P2RY12: variants seen among roughly 807,000 people sequenced by gnomAD.
P2RY12 encodes the protein purinergic receptor P2Y12.
A neutral mutation model predicts 4.5 loss-of-function variants in P2RY12; 3 were observed. That is an observed-to-expected ratio of 0.67 (90% CI 0.31 to 1.74). The LOEUF (loss-of-function observed/expected upper bound fraction) is 1.74, where lower values mean the gene tolerates loss of function less well. Ranked by LOEUF, P2RY12 falls within the 40% of genes most tolerant of loss-of-function variation. The pLI is 0.09. For synonymous variants in P2RY12, 148 were observed against 154.1 expected (o/e 0.96, Z 0.29); for missense variants, 356 against 407.8 (o/e 0.87, Z 1.09).
chr3:151,355,360 G>T (rs1292001820), intron 1 of P2RY12: 8 of 634,944 alleles, frequency 1.3e-5, no homozygotes, highest in Non-Finnish European at 2.2e-5. Flanking sequence ...AAACATACTT[G>T]GAAGTATCTC....
At chr3:151,346,666 C>G (rs1329441581) in intron 1 of P2RY12, among the ~76,000 whole-genome samples, 1 of 152,120 alleles carries the variant, frequency 6.6e-6, no homozygotes, top group Non-Finnish European at 1.5e-5. Flanking sequence ...AATTAAGGAG[C>G]ATGTATGTGC....
chr3:151,368,399 T>C (rs1755548291), intron 1 of P2RY12: 1 of 681,964 alleles, frequency 1.5e-6, no homozygotes, highest in Non-Finnish European at 2.6e-6. Flanking sequence ...ATACTATTCA[T>C]TGAGAGGGCT....
At chr3:151,384,248 C>A (rs1357552739) in intron 1 of P2RY12, 2 of 1,567,154 alleles carry the variant, frequency 1.3e-6, no homozygotes, top group African/African-American at 2.7e-5. Context: ...GTATTATGAG[C>A]TCAAGTTGTT....
intron 1 of P2RY12, chr3:151,360,699 C>A (rs939889566): frequency 2.5e-6 from 3 of 1,195,104 alleles, no homozygotes; most frequent in Non-Finnish European, 3.6e-6. Context: ...ATAATGAAAG[C>A]TAATTGCAAT....
chr3:151,351,687 G>A (rs899353846), intron 1 of P2RY12, among the ~76,000 whole-genome samples: 1 of 152,172 alleles, frequency 6.6e-6, no homozygotes, highest in African/African-American at 2.4e-5. Context: ...GGGTAGGGGG[G>A]AGTCAGTATT....
intron 1 of P2RY12, chr3:151,376,920 A>T (rs1224996426): frequency 7.4e-6 from 12 of 1,611,794 alleles, no homozygotes; most frequent in Non-Finnish European, 1.0e-5. Flanking sequence ...TTTTATAAAA[A>T]GCAAAAACAC....
chr3:151,377,966 G>A (rs1711531570), intron 1 of P2RY12: 21 of 1,520,438 alleles, frequency 1.4e-5, no homozygotes, highest in Non-Finnish European at 1.7e-5. Flanking sequence ...TGTGAGAGCA[G>A]GGGAAAGGAT....
At chr3:151,379,252 C>G (rs550362286) in intron 1 of P2RY12, among the ~76,000 whole-genome samples, 1 of 152,190 alleles carries the variant, frequency 6.6e-6, no homozygotes, top group Non-Finnish European at 1.5e-5. Flanking sequence ...TTCCCATAGG[C>G]AGGACAGATG....
intron 1 of P2RY12, among the ~76,000 whole-genome samples, chr3:151,354,774 A>G (rs893153873): frequency 1.3e-5 from 2 of 152,208 alleles, no homozygotes; most frequent in African/African-American, 4.8e-5. Context: ...ACATGAATCA[A>G]TCTTAAAAGC....
intron 1 of P2RY12, among the ~76,000 whole-genome samples, chr3:151,371,626 T>C (rs16863344): frequency 0.062 from 9,446 of 152,288 alleles, 433 homozygotes; most frequent in Middle Eastern, 0.18. Context: ...TTCCATTAAC[T>C]TGGGCATTGT....
At position 151,353,948 on chromosome 3, in the gene P2RY12, C is replaced by T. The variant is rs374099244; in HGVS notation, c.-179-13188G>A. Among the ~76,000 whole-genome samples, 48 of 151,292 alleles carry T rather than the reference C, an allele frequency of 3.2e-4. 1 individual carries two copies. The highest frequency in any genetic ancestry group is 9.7e-5 in the African/African-American group (4 of 41,138). ...CGAGGTCAGGAGATCGAGACCATCC[C>T]GGCTAACACGGTGAAACCCCGTCTC... is the stretch of plus-strand genomic sequence containing the variant. On this transcript the variant is annotated intron_variant, in intron 1 of 2. Coordinates refer to ENST00000302632, the MANE Select transcript of P2RY12 (RefSeq NM_022788.5).
intron 1 of P2RY12, among the ~76,000 whole-genome samples, chr3:151,384,447 T>A (rs1340602737): frequency 6.6e-6 from 1 of 152,230 alleles, no homozygotes; most frequent in Non-Finnish European, 1.5e-5. Context: ...TTTAATTTTT[T>A]AAAGAACTTT....
rs927370539 is a variant in P2RY12 at position 151,382,838 on chromosome 3, A to C, written c.-180+1854T>G. The C allele has an allele frequency of 4.1e-6, 4 of 967,372 alleles. No individual in the cohort carries two copies. The African/African-American group carries it at 6.6e-5, about 16-fold the overall frequency. 59.9% of individuals were successfully genotyped at this position (967,372 alleles called of 1,614,324 possible). On this transcript the variant is annotated intron_variant, in intron 1 of 2. Coordinates refer to ENST00000302632, the MANE Select transcript of P2RY12 (RefSeq NM_022788.5). ...CACTTCTCCTAAGTGCAAAGTCTGC[A>C]TTACAAGGTGAGGCCTTCCACTCTT...
At chr3:151,377,069 G>A in intron 1 of P2RY12, 1 of 1,614,080 alleles carries the variant, frequency 6.2e-7, no homozygotes, top group Non-Finnish European at 8.5e-7. Context: ...CCAGCAGTCT[G>A]CAGACCTAAA....
intron 1 of P2RY12, among the ~76,000 whole-genome samples, chr3:151,357,026 A>G (rs56255408): frequency 0.02 from 3,064 of 152,274 alleles, 98 homozygotes; most frequent in African/African-American, 0.071. Flanking sequence ...CTAATTGTAT[A>G]CATCCTGATG....
At position 151,378,120 on chromosome 3, in the gene P2RY12, A is replaced by G. The variant is rs753181433; in HGVS notation, c.-180+6572T>C. ...CCGCTGGGGAAGAGCTGGAGAAGGG[A>G]CAGCACTTGGGTTCTTCTTCCAAAA... On this transcript the variant is annotated intron_variant, in intron 1 of 2. Coordinates refer to ENST00000302632, the MANE Select transcript of P2RY12 (RefSeq NM_022788.5). 3.1e-6 allele frequency: 5 copies of G among 1,612,534 alleles called. 1 individual carries two copies. In the Admixed American group the frequency reaches 6.7e-5, roughly 22 times the overall value.
At chr3:151,371,594 C>T (rs1756195399) in intron 1 of P2RY12, among the ~76,000 whole-genome samples, 1 of 152,030 alleles carries the variant, frequency 6.6e-6, no homozygotes, top group Admixed American at 6.5e-5. Context: ...TCTTGGTTGA[C>T]TTGTGGGTTT....
In P2RY12 at chr3:151,338,810, A is replaced by T. The variant is rs6809699; in HGVS notation, c.36T>A (p.Gly12=). Residue 12 remains glycine (G), a synonymous_variant, in exon 3 of 3, where the codon GGT becomes GGA. Transcript: ENST00000302632. ...AGTCTCTGGTGCACAGACTGGTGTT[A>T]CCAGGCGCAGAGGTGAGGTTGTCGA... is the stretch of plus-strand genomic sequence containing the variant. The part of the protein sequence containing the change: ...QAVDNLTSAP[G]NTSLCTRDYK... The T allele has an allele frequency of 6.2e-7, 1 of 1,613,652 alleles. No homozygotes were observed.
chr3:151,340,060 G>A (rs964258447), intron 2 of P2RY12, among the ~76,000 whole-genome samples: 2 of 152,070 alleles, frequency 1.3e-5, no homozygotes, highest in African/African-American at 2.4e-5. Flanking sequence ...GAAGGAAAAC[G>A]ATTAAGAATC....
Sources: allele counts gnomAD v4.1 joint callset (sites outside exome capture counted in the v4.1 genomes callset), GRCh38; gene constraint gnomAD v4.1.1; transcripts MANE v1.5; gene names NCBI Gene and HGNC (gene_info 2026-07-23, HGNC 2026-07-21).